CREB5: variants seen among roughly 807,000 people sequenced by gnomAD.
CREB5 encodes cyclic AMP-responsive element-binding protein 5.
In CREB5, 19 loss-of-function variants were observed where a neutral mutation model predicts 57.1. That is an observed-to-expected ratio of 0.33 (90% confidence interval 0.23 to 0.49). CREB5 has a LOEUF of 0.49. Among genes scored for constraint, CREB5 ranks in the 20% least tolerant of loss-of-function variants. CREB5 has a pLI of 0.99. For missense variants in CREB5, 579 were observed against 671.6 expected (o/e 0.86, Z 1.52); for synonymous variants, 238 against 238.3 (o/e 1.00, Z 0.01).
At chr7:28,598,212 G>A (rs1029499321) in intron 5 of CREB5, among the ~76,000 whole-genome samples, 1 of 152,122 alleles carries the variant, frequency 6.6e-6, no homozygotes, top group Non-Finnish European at 1.5e-5. Flanking sequence ...GATCTGATGG[G>A]TTTGTCAGGG....
intron 1 of CREB5, among the ~76,000 whole-genome samples, chr7:28,306,537 T>C (rs975413934): frequency 6.8e-6 from 1 of 146,234 alleles, no homozygotes; most frequent in Non-Finnish European, 1.5e-5. Context: ...TACATACAGA[T>C]ACAGTTTTGT....
At position 28,616,085 on chromosome 7, in the gene CREB5, A is replaced by G. The variant is rs74545104; in HGVS notation, c.464+45548A>G. 3.2e-3 allele frequency among the ~76,000 whole-genome samples: 490 copies of G among 152,252 alleles called. 4 individuals are homozygous for G. Among genetic ancestry groups the G allele is most frequent in the African/African-American group, 0.011 (473 of 41,532 alleles). Reference sequence around the variant, plus strand: ...CTGAGTATTCTGATTGCATTTCCATAGTGTCAGTTTAATAAGTTTCTCTGT... The same window carrying G: ...CTGAGTATTCTGATTGCATTTCCATGGTGTCAGTTTAATAAGTTTCTCTGT... On this transcript the variant is annotated intron_variant, in intron 5 of 10. Coordinates refer to ENST00000357727, the MANE Select transcript of CREB5 (RefSeq NM_182898.4).
chr7:28,340,004 T>C (rs1785902737), intron 1 of CREB5, among the ~76,000 whole-genome samples: 1 of 152,204 alleles, frequency 6.6e-6, no homozygotes, highest in Non-Finnish European at 1.5e-5. Flanking sequence ...TGGTGAATAA[T>C]GCCGGGTGGA....
chr7:28,375,860 G>A (rs1003767573), intron 1 of CREB5, among the ~76,000 whole-genome samples: 2 of 152,102 alleles, frequency 1.3e-5, no homozygotes, highest in African/African-American at 4.8e-5. Context: ...TGGGTTATTT[G>A]CTTTAATCCT....
chr7:28,447,047 G>A (rs940206208), intron 1 of CREB5, among the ~76,000 whole-genome samples: 2 of 152,148 alleles, frequency 1.3e-5, no homozygotes, highest in African/African-American at 2.4e-5. Context: ...CCCTGGGCAA[G>A]TTACTAACTT....
intron 5 of CREB5, among the ~76,000 whole-genome samples, chr7:28,602,353 C>T (rs1389550790): frequency 1.3e-5 from 2 of 152,124 alleles, no homozygotes; most frequent in Non-Finnish European, 2.9e-5. Context: ...TCTCAAACTC[C>T]TGACCTCAGG....
intron 4 of CREB5, among the ~76,000 whole-genome samples, chr7:28,557,508 A>G (rs1794925874): frequency 6.6e-6 from 1 of 152,218 alleles, no homozygotes; most frequent in Non-Finnish European, 1.5e-5. Context: ...TATTTGAAGA[A>G]TAAGGATCAG....
rs1365992735 is a variant in CREB5, at chr7:28,822,424, T to C, written c.*3145T>C. ...CACTTTTTGCCTGTTTGGGAGAATA[T>C]CTTTGTACTCCATTCTCCTCCCTCA... On this transcript the variant is annotated 3_prime_UTR_variant, in exon 11 of 11. Coordinates refer to ENST00000357727, the MANE Select transcript of CREB5 (RefSeq NM_182898.4). 2 of 152,624 alleles carry C rather than the reference T, an allele frequency of 1.3e-5. No homozygotes were observed. Among genetic ancestry groups the C allele is most frequent in the African/African-American group, 4.8e-5 (2 of 41,438 alleles). 9.5% of individuals were successfully genotyped at this position (152,624 alleles called of 1,614,324 possible).
chr7:28,575,753 C>T (rs1397935830), intron 5 of CREB5, among the ~76,000 whole-genome samples: 3 of 152,162 alleles, frequency 2.0e-5, no homozygotes, highest in African/African-American at 7.2e-5. Flanking sequence ...CTGTATCTTT[C>T]ACAGCCCCGA....
At chr7:28,739,319 C>T (rs775032321) in intron 7 of CREB5, among the ~76,000 whole-genome samples, 8 of 152,102 alleles carry the variant, frequency 5.3e-5, no homozygotes, top group Non-Finnish European at 1.0e-4. Context: ...TATGGGCCCA[C>T]ATAGATAAGG....
chr7:28,571,496 A>G lies in CREB5; in HGVS notation c.464+959A>G, dbSNP rs181097100. ...CAAAGAAAGCAGGCCCCTCTCTCTC[A>G]TTTATGCAAATGGTCAATACTGAGG... On this transcript the variant is annotated intron_variant, in intron 5 of 10. Transcript: ENST00000357727. 3.0e-4 allele frequency among the ~76,000 whole-genome samples: 46 copies of G among 152,216 alleles called. 1 individual carries two copies. The East Asian group carries it at 5.0e-3, about 17-fold the overall frequency.
At chr7:28,410,635 G>C, upstream of CREB5, 1 of 442,692 alleles carries the variant, frequency 2.3e-6, no homozygotes, top group Non-Finnish European at 4.6e-6. Context: ...GCTCAAGGCC[G>C]GGGACTGGAG....
At chr7:28,772,307 G>A (rs189901396) in intron 7 of CREB5, among the ~76,000 whole-genome samples, 1 of 152,206 alleles carries the variant, frequency 6.6e-6, no homozygotes, top group South Asian at 2.1e-4. Context: ...AATGAGGGCT[G>A]CAGGGTGACC....
At chr7:28,459,399 A>G (rs1396467439) in intron 1 of CREB5, among the ~76,000 whole-genome samples, 3 of 152,198 alleles carry the variant, frequency 2.0e-5, no homozygotes, top group Non-Finnish European at 4.4e-5. Flanking sequence ...TCCTTTTGCA[A>G]AGACCTCCTA....
At chr7:28,775,560 A>ATATATATATATATATATATATATATATG in intron 7 of CREB5, among the ~76,000 whole-genome samples, 1 of 148,182 alleles carries the variant, frequency 6.7e-6, no homozygotes, top group Non-Finnish European at 1.5e-5. Flanking sequence ...ATATATATAT[A>ATATATATATATATATATATATATATATG]TATATTAGCG....
chr7:28,696,716 T>TATATACATATGTACACATGTATACAC (rs1361237677), intron 5 of CREB5, among the ~76,000 whole-genome samples: 65 of 152,158 alleles, frequency 4.3e-4, no homozygotes, highest in African/African-American at 1.5e-3. Context: ...CACCTACACA[T>TATATACATATGTACACATGTATACAC]ATATACATAT....
intron 5 of CREB5, among the ~76,000 whole-genome samples, chr7:28,580,787 AC>A (rs1281501569): frequency 6.6e-6 from 1 of 152,130 alleles, no homozygotes; most frequent in Non-Finnish European, 1.5e-5. Context: ...CAAAGGAGCC[AC>A]AGAACACAAA....
chr7:28,496,083 C>CA (rs906444713), intron 3 of CREB5, among the ~76,000 whole-genome samples: 5 of 152,054 alleles, frequency 3.3e-5, no homozygotes, highest in Non-Finnish European at 5.9e-5. Context: ...TTTCTTTTCC[C>CA]AAAAAATGGG....
At chr7:28,639,177 T>C (rs1251047915) in intron 5 of CREB5, among the ~76,000 whole-genome samples, 2 of 152,204 alleles carry the variant, frequency 1.3e-5, no homozygotes, top group East Asian at 1.9e-4. Flanking sequence ...TTAACTAGGG[T>C]ATGTGATAAA....
Sources: allele counts gnomAD v4.1 joint callset (sites outside exome capture counted in the v4.1 genomes callset), GRCh38; gene constraint gnomAD v4.1.1; transcripts MANE v1.5; gene names NCBI Gene and HGNC (gene_info 2026-07-23, HGNC 2026-07-21).